Variants in TMBIM4 observed in about 807,000 individuals in gnomAD.
TMBIM4 encodes the protein protein lifeguard 4.
Under a neutral mutation model 27.7 loss-of-function variants are expected in TMBIM4, and 28 were observed. The observed-to-expected ratio is 1.01, with a 90% CI of 0.75 to 1.38. TMBIM4 has a LOEUF of 1.38. Ranked by LOEUF, TMBIM4 falls within the 40% of genes most tolerant of loss-of-function variation. TMBIM4 has a pLI of 0.00. For missense variants in TMBIM4, 265 were observed against 277.5 expected (o/e 0.95, Z 0.32); for synonymous variants, 115 against 113.1 (o/e 1.02, Z -0.11).
chr12:66,150,865 G>C (rs972071044), intron 3 of TMBIM4, among the ~76,000 whole-genome samples: 2 of 152,214 alleles, frequency 1.3e-5, no homozygotes, highest in East Asian at 3.9e-4. Context: ...CTGAGGTAGA[G>C]AAGAGATGTA....
intron 4 of TMBIM4, among the ~76,000 whole-genome samples, chr12:66,146,974 C>A (rs2051762244): frequency 6.6e-6 from 1 of 152,068 alleles, no homozygotes; most frequent in South Asian, 2.1e-4. Flanking sequence ...TTCCAATAAT[C>A]CTGAAATGAA....
chr12:66,146,095 C>T (rs1777325555), intron 4 of TMBIM4, 137 bp from the exon 5 acceptor site: 4 of 540,804 alleles, frequency 7.4e-6, no homozygotes, highest in Non-Finnish European at 1.3e-5. Flanking sequence ...ATTTCTTATC[C>T]ATCCTTGACT....
Position 66,138,720 on chromosome 12 carries a change from T to A in TMBIM4, c.510+4A>T, listed in dbSNP as rs2051617360. On this transcript the variant is annotated splice_donor_region_variant and intron_variant, in intron 6 of 6. Transcript: ENST00000358230. ...TTCAAATTAACCATTATAACATAACTTACCTTCAAGAATCCTGACAGGCAC... is the reference window on the plus strand; with the variant it reads ...TTCAAATTAACCATTATAACATAACATACCTTCAAGAATCCTGACAGGCAC... The A allele has an allele frequency of 6.5e-7, 1 of 1,549,372 alleles. No individual in the cohort carries two copies. Among genetic ancestry groups the A allele is most frequent in the African/African-American group, 1.4e-5 (1 of 70,518 alleles).
intron 5 of TMBIM4, among the ~76,000 whole-genome samples, chr12:66,143,892 A>C (rs2051709820): frequency 6.6e-6 from 1 of 152,164 alleles, no homozygotes; most frequent in Admixed American, 6.5e-5. Flanking sequence ...ATTAAGTTTT[A>C]TTTAAAATGC....
chr12:66,142,065 A>C (rs2051677502), intron 5 of TMBIM4, among the ~76,000 whole-genome samples: 1 of 152,166 alleles, frequency 6.6e-6, no homozygotes. Flanking sequence ...GATACCATTA[A>C]AAAATAAATA....
At chr12:66,165,646 G>T (rs1435829114) in intron 1 of TMBIM4, among the ~76,000 whole-genome samples, 1 of 152,074 alleles carries the variant, frequency 6.6e-6, no homozygotes, top group African/African-American at 2.4e-5. Context: ...CAGGCTATTT[G>T]TCTTCTTATC....
chr12:66,166,314 A>C (rs2136888379), intron 1 of TMBIM4, among the ~76,000 whole-genome samples: 1 of 152,038 alleles, frequency 6.6e-6, no homozygotes, highest in South Asian at 2.1e-4. Flanking sequence ...AAATATAAAA[A>C]ATTAGCTAGG....
At chr12:66,138,822 T>C (rs966476114) in intron 5 of TMBIM4, 53 bp from the exon 6 acceptor site, 21 of 1,427,254 alleles carry the variant, frequency 1.5e-5, no homozygotes, top group Non-Finnish European at 1.7e-5. Flanking sequence ...CAAAAAAACT[T>C]TGTAAACCCA....
At chr12:66,164,482 C>A (rs1011101075) in intron 1 of TMBIM4, among the ~76,000 whole-genome samples, 2 of 152,166 alleles carry the variant, frequency 1.3e-5, no homozygotes, top group Admixed American at 6.5e-5. Flanking sequence ...ATGGTAAGTA[C>A]ATGCTCTTAT....
At chr12:66,152,120 TAA>T (rs1008874086) in intron 3 of TMBIM4, 149 bp downstream of exon 3, 70 of 382,022 alleles carry the variant, frequency 1.8e-4, no homozygotes, top group African/African-American at 1.4e-3. Context: ...TTAAAAGTTT[TAA>T]AAGACTATAA....
chr12:66,169,146 T>C, intron 1 of TMBIM4: 1 of 631,506 alleles, frequency 1.6e-6, no homozygotes, highest in Non-Finnish European at 2.8e-6. Flanking sequence ...CTAAACAGGC[T>C]GAAAGTCTGG....
chr12:66,149,672 G>C (rs759755420), intron 3 of TMBIM4, among the ~76,000 whole-genome samples: 11 of 151,942 alleles, frequency 7.2e-5, no homozygotes, highest in Non-Finnish European at 1.5e-4. Context: ...GTTACAATGG[G>C]GTTACATGCC....
chr12:66,163,890 G>A (rs2052082848), intron 1 of TMBIM4, among the ~76,000 whole-genome samples: 1 of 152,192 alleles, frequency 6.6e-6, no homozygotes, highest in Non-Finnish European at 1.5e-5. Flanking sequence ...GAAAACTGCA[G>A]AGCAATGTCC....
intron 1 of TMBIM4, chr12:66,160,294 C>A (rs1420569052): frequency 1.4e-6 from 1 of 702,080 alleles, no homozygotes; most frequent in South Asian, 1.5e-5. Flanking sequence ...AAGGTACAAT[C>A]TCTCTGGAGA....
At chr12:66,166,464 C>CAAAAAAAAAAAAAAAAAA (rs59822799) in intron 1 of TMBIM4, among the ~76,000 whole-genome samples, 8 of 100,608 alleles carry the variant, frequency 8.0e-5, no homozygotes, top group East Asian at 5.2e-4. Flanking sequence ...TACTTTGTCT[C>CAAAAAAAAAAAAAAAAAA]AAAAAAAAAA....
intron 1 of TMBIM4, among the ~76,000 whole-genome samples, chr12:66,166,660 G>A (rs1170225204): frequency 6.6e-6 from 1 of 152,212 alleles, no homozygotes; most frequent in Non-Finnish European, 1.5e-5. Context: ...TGACGAGTAT[G>A]TGGAACCAAC....
chr12:66,154,101 T>C (rs998009135), intron 1 of TMBIM4, among the ~76,000 whole-genome samples: 2 of 152,306 alleles, frequency 1.3e-5, no homozygotes, highest in East Asian at 1.9e-4. Flanking sequence ...AATAATACAA[T>C]GAACTTCCAA....
At chr12:66,164,401 G>T (rs1456583248) in intron 1 of TMBIM4, among the ~76,000 whole-genome samples, 2 of 152,234 alleles carry the variant, frequency 1.3e-5, no homozygotes, top group Non-Finnish European at 2.9e-5. Context: ...GGGAAAGGGT[G>T]ATTCAGAAGG....
intron 1 of TMBIM4, among the ~76,000 whole-genome samples, chr12:66,163,668 C>T (rs971185567): frequency 2.0e-5 from 3 of 152,194 alleles, no homozygotes; most frequent in Non-Finnish European, 4.4e-5. Flanking sequence ...ATGGGAATGA[C>T]AACTCAAGGT....
Sources: allele counts gnomAD v4.1 joint callset (sites outside exome capture counted in the v4.1 genomes callset), GRCh38; gene constraint gnomAD v4.1.1; transcripts MANE v1.5; gene names NCBI Gene and HGNC (gene_info 2026-07-23, HGNC 2026-07-21).